The following ARHGAP10 variants were observed in gnomAD, a reference collection of about 807,000 sequenced individuals.
The protein encoded by ARHGAP10 is rho GTPase-activating protein 10.
Under a neutral mutation model 108.6 loss-of-function variants are expected in ARHGAP10, and 87 were observed. The ratio of observed to expected loss-of-function variants is 0.80; its 90% CI spans 0.67 to 0.96. The LOEUF is 0.96. Among genes scored for constraint, ARHGAP10 ranks in the 40% least tolerant of loss-of-function variants. ARHGAP10 has a pLI of 0.00. For synonymous variants in ARHGAP10, 347 were observed against 341.1 expected, an observed-to-expected ratio of 1.02 and a Z score of -0.19; for missense variants, 939 against 954.5, an observed-to-expected ratio of 0.98 and a Z score of 0.21.
chr4:147,863,508 G>A (rs1286952596), intron 5 of ARHGAP10: 2 of 152,110 alleles, frequency 1.3e-5, no homozygotes, highest in African/African-American at 4.8e-5. Context: ...TCCATCCATG[G>A]GCATTGGGGT....
chr4:148,015,088 A>G (rs1194340102), intron 18 of ARHGAP10, among the ~76,000 whole-genome samples: 1 of 152,110 alleles, frequency 6.6e-6, no homozygotes, highest in African/African-American at 2.4e-5. Flanking sequence ...GTCTCCTGTG[A>G]CATGGTAGAG....
At chr4:147,917,144 C>T (rs927936364) in intron 13 of ARHGAP10, 3 of 152,172 alleles carry the variant, frequency 2.0e-5, no homozygotes, top group Non-Finnish European at 2.9e-5. Context: ...AGTAGGATAG[C>T]TCTCAGCTGG....
At chr4:147,829,676 C>A (rs1446828068) in intron 3 of ARHGAP10, among the ~76,000 whole-genome samples, 1 of 152,164 alleles carries the variant, frequency 6.6e-6, no homozygotes. Flanking sequence ...CAGAGATGTT[C>A]TCTCTGGCAT....
intron 7 of ARHGAP10, among the ~76,000 whole-genome samples, chr4:147,867,459 A>G (rs770681745): frequency 7.9e-5 from 12 of 152,190 alleles, no homozygotes; most frequent in Admixed American, 3.3e-4. Context: ...AGGTCTCATT[A>G]GGAATGTAGT....
At chr4:147,881,160 G>A (rs537480275) in intron 9 of ARHGAP10, among the ~76,000 whole-genome samples, 6 of 151,974 alleles carry the variant, frequency 3.9e-5, no homozygotes, top group Non-Finnish European at 8.8e-5. Flanking sequence ...TGTAATCCCA[G>A]CTATTTGGGT....
At chr4:147,962,334 A>G (rs998280856) in intron 16 of ARHGAP10, among the ~76,000 whole-genome samples, 1 of 152,200 alleles carries the variant, frequency 6.6e-6, no homozygotes, top group African/African-American at 2.4e-5. Flanking sequence ...ACGAACAACA[A>G]CAGTACTAAT....
At chr4:147,740,873 A>G (rs1241924276) in intron 1 of ARHGAP10, among the ~76,000 whole-genome samples, 1 of 152,172 alleles carries the variant, frequency 6.6e-6, no homozygotes, top group Admixed American at 6.6e-5. Flanking sequence ...AGCATCTTGT[A>G]TACCCATTCT....
intron 3 of ARHGAP10, among the ~76,000 whole-genome samples, chr4:147,826,866 A>G (rs966380234): frequency 1.3e-5 from 2 of 151,958 alleles, no homozygotes; most frequent in Non-Finnish European, 2.9e-5. Context: ...ACTCATTCCA[A>G]TTCTGCCTCT....
intron 1 of ARHGAP10, among the ~76,000 whole-genome samples, chr4:147,786,145 T>C (rs1454133456): frequency 1.3e-5 from 2 of 152,172 alleles, no homozygotes; most frequent in African/African-American, 2.4e-5. Context: ...CTGTGAAATC[T>C]CTAAAGAGGT....
At chr4:147,786,703 T>C (rs759408859) in intron 1 of ARHGAP10, among the ~76,000 whole-genome samples, 3 of 151,838 alleles carry the variant, frequency 2.0e-5, no homozygotes, top group Non-Finnish European at 4.4e-5. Flanking sequence ...CATAGATTAG[T>C]TTTTGTGTTG....
chr4:147,913,935 C>T (rs1736854713), intron 13 of ARHGAP10, among the ~76,000 whole-genome samples: 1 of 152,154 alleles, frequency 6.6e-6, no homozygotes, highest in Non-Finnish European at 1.5e-5. Context: ...GGCAGATCAC[C>T]TGAGGCTGGG....
intron 1 of ARHGAP10, among the ~76,000 whole-genome samples, chr4:147,761,389 A>T (rs146449829): frequency 6.6e-6 from 1 of 152,248 alleles, no homozygotes; most frequent in Non-Finnish European, 1.5e-5. Flanking sequence ...TTTAGTAGTA[A>T]TCGCTGTACT....
intron 22 of ARHGAP10, among the ~76,000 whole-genome samples, chr4:148,069,217 C>G (rs879561905): frequency 1.3e-5 from 2 of 152,166 alleles, no homozygotes; most frequent in Non-Finnish European, 2.9e-5. Flanking sequence ...AACTGCGGAG[C>G]CACTTTTCCT....
chr4:147,863,457 T>C (rs1477737424), intron 5 of ARHGAP10: 1 of 152,248 alleles, frequency 6.6e-6, no homozygotes, highest in African/African-American at 2.4e-5. Context: ...AATAATATTC[T>C]GTTATACATA....
intron 10 of ARHGAP10, among the ~76,000 whole-genome samples, chr4:147,883,740 G>C (rs1735431798): frequency 6.6e-6 from 1 of 151,780 alleles, no homozygotes; most frequent in Non-Finnish European, 1.5e-5. Flanking sequence ...TTTTGCCCAG[G>C]CTGGAGTGCA....
chr4:147,996,220 A>T (rs752344343), intron 18 of ARHGAP10, among the ~76,000 whole-genome samples: 8 of 152,218 alleles, frequency 5.3e-5, no homozygotes, highest in Admixed American at 2.0e-4. Flanking sequence ...GATATGGCCT[A>T]TGGAAACCTC....
intron 20 of ARHGAP10, among the ~76,000 whole-genome samples, chr4:148,058,164 C>G (rs1445950646): frequency 3.9e-5 from 6 of 152,212 alleles, no homozygotes; most frequent in Non-Finnish European, 7.3e-5. Flanking sequence ...TTTTCAAACA[C>G]TCTTGCCCAG....
Position 147,955,059 on chromosome 4 carries a change from G to A in ARHGAP10, c.1392-257G>A, listed in dbSNP as rs143291838. ...CCAGATGTTCACAAAGCTACTTTCC[G>A]TGATTAGATATGAAATACTGTATGC... On this transcript the variant is annotated intron_variant, in intron 15 of 22. Coordinates refer to ENST00000336498, the MANE Select transcript of ARHGAP10 (RefSeq NM_024605.4). Among the ~76,000 whole-genome samples, 9 of 152,126 alleles carry A rather than the reference G, an allele frequency of 5.9e-5. No homozygotes were observed. The East Asian group carries it at 9.7e-4, about 16-fold the overall frequency.
chr4:148,017,642 G>A (rs896355105), intron 18 of ARHGAP10, among the ~76,000 whole-genome samples: 41 of 126,996 alleles, frequency 3.2e-4, no homozygotes, highest in Non-Finnish European at 4.7e-5. Flanking sequence ...TGACAGTTAT[G>A]AGCCAGTAAC....
Sources: gnomAD v4.1 joint callset for allele counts (sites outside exome capture counted in the v4.1 genomes callset) on GRCh38, gnomAD v4.1.1 for gene constraint, MANE v1.5 for transcripts, NCBI Gene and HGNC (gene_info 2026-07-23, HGNC 2026-07-21) for gene names.